EML1: variants seen among roughly 807,000 people sequenced by gnomAD.
The protein encoded by EML1 is echinoderm microtubule-associated protein-like 1.
In EML1, 27 loss-of-function variants were observed where a neutral mutation model predicts 110.4. The observed-to-expected ratio is 0.24, with a 90% confidence interval of 0.18 to 0.34. The LOEUF is 0.34. Ranked by LOEUF, EML1 falls within the 10% of genes least tolerant of loss-of-function variation. The pLI is 1.00. For synonymous variants in EML1, 344 were observed against 385.8 expected, an observed-to-expected ratio of 0.89 and a Z score of 1.27; for missense variants, 741 against 1,030.9, an observed-to-expected ratio of 0.72 and a Z score of 3.85.
chr14:99,790,865 C>CTTTTTTTTTTTTTTTTTTTT (rs763959981), upstream of EML1, among the ~76,000 whole-genome samples: 91 of 138,454 alleles, frequency 6.6e-4, 1 homozygote, highest in African/African-American at 2.1e-3. Context: ...TTTTTCTTTT[C>CTTTTTTTTTTTTTTTTTTTT]CTTTTTTTTT....
intron 5 of EML1, among the ~76,000 whole-genome samples, chr14:99,893,098 G>T (rs1464069860): frequency 1.3e-5 from 2 of 152,200 alleles, no homozygotes; most frequent in African/African-American, 2.4e-5. Context: ...AGGACAGGGT[G>T]TAGAGGGGGG....
chr14:99,751,773 G>C (rs2057178097), intron 1 of EML1, among the ~76,000 whole-genome samples: 1 of 152,110 alleles, frequency 6.6e-6, no homozygotes, highest in Non-Finnish European at 1.5e-5. Context: ...GGTCAGTTTG[G>C]GCAGAGTGAA....
rs72348039 is a variant in EML1, at chr14:99,811,814, AAGAG to A, written c.67+18285_67+18288del. Among the ~76,000 whole-genome samples, 405 of 150,032 alleles carry A rather than the reference AAGAG, an allele frequency of 2.7e-3. 3 individuals are homozygous for A. Among genetic ancestry groups the A allele is most frequent in the Non-Finnish European group, 3.8e-3 (253 of 67,384 alleles). ...AACAGGAATGAGACTATGTCTCAAAAAGAGAGAGAGAGAGAGAAAGGAAGGAAAG... is the reference window on the plus strand; with the variant it reads ...AACAGGAATGAGACTATGTCTCAAAAAGAGAGAGAGAGAAAGGAAGGAAAG... On this transcript the variant is annotated intron_variant, in intron 1 of 21. Transcript: ENST00000262233.
chr14:99,744,572 T>C (rs2057082969), intron 1 of EML1, among the ~76,000 whole-genome samples: 2 of 152,232 alleles, frequency 1.3e-5, no homozygotes, highest in Non-Finnish European at 2.9e-5. Flanking sequence ...GTTTTTCAAG[T>C]AATCCATTTT....
At chr14:99,861,017 GACA>G (rs1371411533) in intron 2 of EML1, among the ~76,000 whole-genome samples, 1 of 152,140 alleles carries the variant, frequency 6.6e-6, no homozygotes, top group Non-Finnish European at 1.5e-5. Flanking sequence ...TTGAGAAAAG[GACA>G]ACAATAGATT....
At chr14:99,921,604 G>C (rs2140086506) in intron 17 of EML1, among the ~76,000 whole-genome samples, 1 of 152,246 alleles carries the variant, frequency 6.6e-6, no homozygotes, top group Non-Finnish European at 1.5e-5. Context: ...ATGATGATCA[G>C]CTCTCAGCCA....
intron 3 of EML1, among the ~76,000 whole-genome samples, chr14:99,867,636 T>C (rs938416066): frequency 1.3e-5 from 2 of 151,352 alleles, no homozygotes; most frequent in Non-Finnish European, 2.9e-5. Flanking sequence ...ATTGTTATTA[T>C]ATAGAAATGC....
intron 10 of EML1, 69 bp downstream of exon 10, chr14:99,907,802 A>G (rs2059878631): frequency 1.3e-6 from 2 of 1,499,864 alleles, no homozygotes; most frequent in Non-Finnish European, 1.8e-6. Context: ...GCATAGTGGT[A>G]GCCCCCTTTC....
intron 1 of EML1, among the ~76,000 whole-genome samples, chr14:99,794,737 A>C (rs2057739024): frequency 6.6e-6 from 1 of 152,242 alleles, no homozygotes; most frequent in South Asian, 2.1e-4. Flanking sequence ...GTGGAATTAA[A>C]GAAAGTTTCT....
rs762598407 is a variant in EML1, at chr14:99,940,039, T to G, written c.2375T>G (p.Phe792Cys). The G allele has an allele frequency of 6.2e-7, 1 of 1,604,512 alleles. No individual in the cohort carries two copies. The highest frequency in any genetic ancestry group is 1.1e-5 in the South Asian group (1 of 89,252). The change falls in exon 22 of 22, where the codon TTC becomes TGC. Residue 792 changes from phenylalanine to cysteine, a missense_variant. Physicochemically the swap from Phe to Cys is radical, Grantham distance 205. Around this residue, in one of 4 missense-constraint regions of EML1, gnomAD observed 114 missense variants for 122.5 expected, o/e 0.93. Transcript: ENST00000262233. ...AGCAGCCATGTCACCAATGTCGATT[T>G]CCTCTGTGAAGACAGCCACCTCATC... is the stretch of plus-strand genomic sequence containing the variant. ...GHSSHVTNVD[F>C]LCEDSHLIST... is the part of the protein sequence containing the mutation.
chr14:99,867,618 G>T (rs2139892334), intron 3 of EML1, among the ~76,000 whole-genome samples: 1 of 152,120 alleles, frequency 6.6e-6, no homozygotes, highest in South Asian at 2.1e-4. Flanking sequence ...TTCCTTTTCA[G>T]CTTGGTCATT....
intron 1 of EML1, among the ~76,000 whole-genome samples, chr14:99,795,094 A>G (rs1210423459): frequency 2.0e-5 from 3 of 152,236 alleles, no homozygotes. Flanking sequence ...GGTCTTACAA[A>G]TTTAATCTGT....
intron 7 of EML1, 38 bp downstream of exon 7, chr14:99,897,332 G>A: frequency 6.4e-7 from 1 of 1,560,370 alleles, no homozygotes; most frequent in Non-Finnish European, 8.7e-7. Flanking sequence ...GACTCAGAAG[G>A]CGAAGGTAGG....
intron 2 of EML1, among the ~76,000 whole-genome samples, chr14:99,860,904 T>C (rs1390161381): frequency 6.6e-6 from 1 of 152,188 alleles, no homozygotes; most frequent in African/African-American, 2.4e-5. Flanking sequence ...GATGCTACTC[T>C]ATGATATTTT....
intron 4 of EML1, among the ~76,000 whole-genome samples, chr14:99,887,532 C>G (rs1243146617): frequency 2.6e-5 from 4 of 151,744 alleles, no homozygotes; most frequent in Non-Finnish European, 5.9e-5. Context: ...ACTGGGCATT[C>G]TCCCCCGCAC....
At chr14:99,865,179 A>G (rs1023476370) in intron 2 of EML1, among the ~76,000 whole-genome samples, 3 of 152,232 alleles carry the variant, frequency 2.0e-5, no homozygotes, top group South Asian at 2.1e-4. Flanking sequence ...CTGCAACCAG[A>G]TAGTCCCATC....
chr14:99,780,989 C>G (rs568626617), intron 1 of EML1, among the ~76,000 whole-genome samples: 119 of 152,246 alleles, frequency 7.8e-4, no homozygotes, highest in Non-Finnish European at 1.2e-3. Flanking sequence ...ATGGTTGAAG[C>G]CTCACATTTC....
chr14:99,770,779 ATT>A (rs34744469), upstream of EML1, among the ~76,000 whole-genome samples: 55 of 91,636 alleles, frequency 6.0e-4, no homozygotes, highest in African/African-American at 1.7e-3. Context: ...GTTTCCGCTG[ATT>A]TTTTTTTTTT....
intron 2 of EML1, among the ~76,000 whole-genome samples, chr14:99,854,147 C>T (rs2139842407): frequency 6.6e-6 from 1 of 152,288 alleles, no homozygotes; most frequent in Middle Eastern, 3.4e-3. Context: ...TGCTCAAAGC[C>T]AGTGCGGGAA....
Sources: gnomAD v4.1 joint callset for allele counts (sites outside exome capture counted in the v4.1 genomes callset) on GRCh38, gnomAD v4.1.1 for gene constraint, gnomAD v4.1.1 regional missense constraint, MANE v1.5 for transcripts, NCBI Gene and HGNC (gene_info 2026-07-23, HGNC 2026-07-21) for gene names.